DSCAML1: variants seen among roughly 807,000 people sequenced by gnomAD.
DSCAML1 encodes DS cell adhesion molecule like 1, also known as cell adhesion molecule DSCAML1.
DSCAML1 carries 38 observed loss-of-function variants against 200.5 expected under a neutral mutation model. That is an observed-to-expected ratio of 0.19 (90% CI 0.15 to 0.25). The LOEUF is 0.25. Among genes scored for constraint, DSCAML1 ranks in the 10% least tolerant of loss-of-function variants. DSCAML1 has a pLI of 1.00. For missense variants in DSCAML1, 2,223 were observed against 2,858.8 expected, an observed-to-expected ratio of 0.78 and a Z score of 5.07; for synonymous variants, 1,215 against 1,165.0, an observed-to-expected ratio of 1.04 and a Z score of -0.87.
intron 3 of DSCAML1, among the ~76,000 whole-genome samples, chr11:117,584,051 A>C (rs908474271): frequency 1.3e-5 from 2 of 150,714 alleles, no homozygotes; most frequent in Admixed American, 6.6e-5. Flanking sequence ...AGATTTTCCT[A>C]CTCCCCACCC....
chr11:117,613,318 G>GT (rs961463906), intron 3 of DSCAML1, among the ~76,000 whole-genome samples: 5 of 152,032 alleles, frequency 3.3e-5, no homozygotes, highest in African/African-American at 1.2e-4. Context: ...TAAAGACATG[G>GT]TAGGAAGCAG....
At chr11:117,623,124 C>T (rs17120968) in intron 3 of DSCAML1, among the ~76,000 whole-genome samples, 2,493 of 152,148 alleles carry the variant, frequency 0.016, 33 homozygotes, top group East Asian at 0.059. Flanking sequence ...CCTGGCTTCT[C>T]GTCAACTAGC....
chr11:117,779,566 C>A (rs192784590), intron 2 of DSCAML1, among the ~76,000 whole-genome samples: 3 of 152,238 alleles, frequency 2.0e-5, no homozygotes, highest in Admixed American at 2.0e-4. Flanking sequence ...AAAGTGTGGT[C>A]TAGTTGCATG....
chr11:117,624,761 C>A (rs1475937135), intron 3 of DSCAML1, among the ~76,000 whole-genome samples: 1 of 152,160 alleles, frequency 6.6e-6, no homozygotes, highest in African/African-American at 2.4e-5. Context: ...CAAATGCAAC[C>A]CCCAGCTAGA....
At chr11:117,585,774 T>C (rs2051129602) in intron 3 of DSCAML1, among the ~76,000 whole-genome samples, 2 of 151,424 alleles carry the variant, frequency 1.3e-5, no homozygotes, top group African/African-American at 4.9e-5. Flanking sequence ...AGAGGAGGAG[T>C]CGCCAGGGCC....
intron 11 of DSCAML1, among the ~76,000 whole-genome samples, chr11:117,491,210 C>T (rs904197118): frequency 6.6e-6 from 1 of 152,198 alleles, no homozygotes; most frequent in Non-Finnish European, 1.5e-5. Flanking sequence ...AGCCTGGGTA[C>T]ATCTTCACCC....
chr11:117,780,418 C>T lies in DSCAML1; in HGVS notation c.364+75G>A, dbSNP rs190733687. On this transcript the variant is annotated intron_variant, in intron 2 of 32. Coordinates refer to ENST00000651296, the MANE Select transcript of DSCAML1 (RefSeq NM_020693.4). This position sits in a 1 kb window ranked among gnomAD's most constrained non-coding sequence, Gnocchi z 4.8. The stretch of plus-strand genomic sequence containing the variant: ...TCTTGAGTGAACGACTTCTTGCAAG[C>T]CCCTCCGAATATCCTCAGAATGACG... 1.1e-5 allele frequency: 14 copies of T among 1,299,482 alleles called. No individual in the cohort carries two copies. In the East Asian group the frequency reaches 3.9e-4, roughly 36 times the overall value. The allele number at this position is 1,299,482 out of a possible 1,614,324, so 80.5% of individuals were successfully genotyped here.
intron 1 of DSCAML1, among the ~76,000 whole-genome samples, chr11:117,802,744 A>G (rs886908613): frequency 6.6e-6 from 1 of 152,160 alleles, no homozygotes; most frequent in Non-Finnish European, 1.5e-5. Flanking sequence ...TTGACCTTGT[A>G]GGCAGCGCCT....
rs4938384 is a variant in DSCAML1, at chr11:117,463,236, A to G, written c.3266-1640T>C. Among the ~76,000 whole-genome samples the G allele has an allele frequency of 0.93, 141,018 of 152,288 alleles. 65,425 individuals carry two copies. The highest frequency in any genetic ancestry group is 0.97 in the African/African-American group (40,360 of 41,574). ...TGTTGTTTTCTGGATAGATGGTTCT[A>G]GATGGTTTAATCTCCTTGAGCCTTG... is the stretch of plus-strand genomic sequence containing the variant. On this transcript the variant is annotated intron_variant, in intron 17 of 32. Coordinates refer to ENST00000651296, the MANE Select transcript of DSCAML1 (RefSeq NM_020693.4). This position sits in a 1 kb window ranked among gnomAD's most constrained non-coding sequence, Gnocchi z 4.0.
chr11:117,658,411 T>C (rs1480469926), intron 3 of DSCAML1, among the ~76,000 whole-genome samples: 2 of 152,174 alleles, frequency 1.3e-5, no homozygotes, highest in African/African-American at 4.8e-5. Flanking sequence ...AATTTATAGA[T>C]TGGGAAACTG....
chr11:117,602,251 T>G (rs559151607), intron 3 of DSCAML1, among the ~76,000 whole-genome samples: 121 of 152,326 alleles, frequency 7.9e-4, no homozygotes, highest in African/African-American at 2.8e-3. Flanking sequence ...ATGCTCCCTT[T>G]GCTCCACGAC....
intron 23 of DSCAML1, 112 bp downstream of exon 23, chr11:117,439,154 G>A (rs545815820): frequency 6.8e-7 from 1 of 1,464,316 alleles, no homozygotes. Context: ...CCAGAGGTCT[G>A]TCTCTCCCTT....
chr11:117,726,334 G>A (rs1220297727), intron 3 of DSCAML1, among the ~76,000 whole-genome samples: 2 of 151,936 alleles, frequency 1.3e-5, no homozygotes, highest in African/African-American at 4.8e-5. Context: ...AAACCATTAA[G>A]CCAGATATTC....
chr11:117,479,797 T>C (rs575005076), intron 14 of DSCAML1, among the ~76,000 whole-genome samples: 4 of 152,252 alleles, frequency 2.6e-5, no homozygotes, highest in South Asian at 2.1e-4. Flanking sequence ...TACTGGGGTG[T>C]GCCACCACGC....
At chr11:117,794,291 T>C (rs1301359914) in intron 1 of DSCAML1, among the ~76,000 whole-genome samples, 1 of 152,180 alleles carries the variant, frequency 6.6e-6, no homozygotes, top group East Asian at 1.9e-4. Context: ...GCACGCTGGA[T>C]GGAACAACGG....
intron 3 of DSCAML1, among the ~76,000 whole-genome samples, chr11:117,570,096 G>A (rs1051204867): frequency 1.5e-4 from 23 of 152,224 alleles, no homozygotes; most frequent in African/African-American, 5.5e-4. Flanking sequence ...ATGTGGGAAT[G>A]CGGGAATGTG....
At chr11:117,643,689 A>G (rs2052458855) in intron 3 of DSCAML1, among the ~76,000 whole-genome samples, 1 of 151,876 alleles carries the variant, frequency 6.6e-6, no homozygotes, top group African/African-American at 2.4e-5. Flanking sequence ...GCAGGGGAGG[A>G]GTGGGGGGTG....
At chr11:117,734,217 C>T (rs1319886163) in intron 3 of DSCAML1, among the ~76,000 whole-genome samples, 1 of 152,370 alleles carries the variant, frequency 6.6e-6, no homozygotes, top group East Asian at 1.9e-4. Context: ...AGTGACCTCA[C>T]TGCTGGGACA....
intron 3 of DSCAML1, among the ~76,000 whole-genome samples, chr11:117,763,447 C>T (rs539015972): frequency 4.6e-5 from 7 of 151,984 alleles, no homozygotes; most frequent in African/African-American, 1.7e-4. Context: ...CCAGGGATGA[C>T]CTCCACTTTT....
Sources: gnomAD v4.1 joint callset for allele counts (sites outside exome capture counted in the v4.1 genomes callset) on GRCh38, gnomAD v4.1.1 for gene constraint, Gnocchi (gnomAD v3.1) non-coding constraint, MANE v1.5 for transcripts, NCBI Gene and HGNC (gene_info 2026-07-23, HGNC 2026-07-21) for gene names.